Variants in CTNNA3 observed in about 807,000 individuals in gnomAD.
The protein encoded by CTNNA3 is catenin alpha-3.
Under a neutral mutation model 95.7 loss-of-function variants are expected in CTNNA3, and 76 were observed. That is an observed-to-expected ratio of 0.79 (90% CI 0.66 to 0.96). The LOEUF (loss-of-function observed/expected upper bound fraction) is 0.96. CTNNA3 is among the 40% of genes least tolerant of loss of function. CTNNA3 has a pLI of 0.00. For synonymous variants in CTNNA3, 431 were observed against 374.4 expected (o/e 1.15, Z -1.74); for missense variants, 1,191 against 1,089.8 (o/e 1.09, Z -1.31).
intron 5 of CTNNA3, among the ~76,000 whole-genome samples, chr10:67,318,920 T>C (rs1290511176): frequency 3.3e-5 from 5 of 152,200 alleles, no homozygotes; most frequent in Admixed American, 2.0e-4. Context: ...GCTTAAAAGG[T>C]TGGTCCTTGG....
intron 5 of CTNNA3, among the ~76,000 whole-genome samples, chr10:67,236,405 G>A (rs1168550592): frequency 7.4e-5 from 11 of 149,626 alleles, no homozygotes; most frequent in African/African-American, 1.5e-4. Context: ...GCAAACTATC[G>A]CAAGAAGAAA....
chr10:67,179,968 T>C (rs1178731466), intron 7 of CTNNA3, among the ~76,000 whole-genome samples: 1 of 152,202 alleles, frequency 6.6e-6, no homozygotes, highest in Non-Finnish European at 1.5e-5. Context: ...ACTAACTTGA[T>C]CCTGAGCAAT....
rs1840439407 is a variant in CTNNA3 at position 67,671,781 on chromosome 10, C to A, written c.-6+24219G>T. Among the ~76,000 whole-genome samples the A allele has an allele frequency of 4.0e-5, 6 of 151,732 alleles. No homozygotes were observed. In the South Asian group the frequency reaches 1.3e-3, roughly 32 times the overall value. ...TCGTTGTTGGACATTTGGGTTGGTT[C>A]CAAGTCTTTGCTATTGTTAATAGTG... is the stretch of plus-strand genomic sequence containing the variant. On this transcript the variant is annotated intron_variant, in intron 1 of 17. Coordinates refer to ENST00000433211, the MANE Select transcript of CTNNA3 (RefSeq NM_013266.4).
At position 65,918,808 on chromosome 10, in the gene CTNNA3, T is replaced by C. The variant is rs2077038196; in HGVS notation, c.*1522A>G. 1 of 152,214 alleles carries C rather than the reference T, an allele frequency of 6.6e-6. No homozygotes were observed. Among genetic ancestry groups the C allele is most frequent in the African/African-American group, 2.4e-5 (1 of 41,450 alleles). 9.4% of individuals were successfully genotyped at this position (152,214 alleles called of 1,614,324 possible). On this transcript the variant is annotated 3_prime_UTR_variant, in exon 18 of 18. Transcript: ENST00000433211. ...AGATCCTTCTTTTCCCATACCATTA[T>C]GCTTAAGATTCCACACATATCGTAC...
intron 13 of CTNNA3, among the ~76,000 whole-genome samples, chr10:66,203,816 T>C (rs2087586770): frequency 6.6e-6 from 1 of 152,158 alleles, no homozygotes; most frequent in African/African-American, 2.4e-5. Context: ...AGGTTTTGTA[T>C]TTTTATTTGC....
intron 5 of CTNNA3, among the ~76,000 whole-genome samples, chr10:67,302,002 C>T (rs2101049): frequency 8.9e-5 from 5 of 55,922 alleles, no homozygotes; most frequent in Non-Finnish European, 9.8e-5. Context: ...AACGAAAGAA[C>T]GAAAGAAAGA....
intron 11 of CTNNA3, among the ~76,000 whole-genome samples, chr10:66,456,830 A>G (rs926517612): frequency 6.6e-6 from 1 of 152,180 alleles, no homozygotes; most frequent in Non-Finnish European, 1.5e-5. Flanking sequence ...GTGGTGGCTC[A>G]TGTCTGTAAT....
chr10:66,470,161 T>C (rs1182651026), intron 11 of CTNNA3, among the ~76,000 whole-genome samples: 1 of 151,860 alleles, frequency 6.6e-6, no homozygotes, highest in Non-Finnish European at 1.5e-5. Context: ...ACAATTCCTC[T>C]ATTGGAACTG....
intron 9 of CTNNA3, among the ~76,000 whole-genome samples, chr10:66,717,884 C>T (rs1167796608): frequency 2.0e-5 from 3 of 152,318 alleles, no homozygotes; most frequent in African/African-American, 4.8e-5. Flanking sequence ...ATGGCTTCTA[C>T]CTCTGCCCTT....
intron 7 of CTNNA3, among the ~76,000 whole-genome samples, chr10:66,930,899 C>T (rs1054691634): frequency 6.6e-6 from 1 of 152,096 alleles, no homozygotes; most frequent in Non-Finnish European, 1.5e-5. Context: ...TCTTTCTCCT[C>T]ACTCTTTGAG....
At chr10:66,647,233 T>C (rs1206822262) in intron 9 of CTNNA3, among the ~76,000 whole-genome samples, 1 of 152,114 alleles carries the variant, frequency 6.6e-6, no homozygotes, top group Non-Finnish European at 1.5e-5. Flanking sequence ...AAAGTATATA[T>C]CATCTGTTCA....
chr10:66,475,669 T>C (rs1186437694), intron 11 of CTNNA3, among the ~76,000 whole-genome samples: 1 of 152,060 alleles, frequency 6.6e-6, no homozygotes, highest in Non-Finnish European at 1.5e-5. Context: ...TGAGATATCG[T>C]CTCACGCCAG....
intron 13 of CTNNA3, among the ~76,000 whole-genome samples, chr10:66,231,615 G>C (rs2089594105): frequency 6.6e-6 from 1 of 152,080 alleles, no homozygotes; most frequent in South Asian, 2.1e-4. Context: ...AGTGGTTTTA[G>C]TCAGCACATT....
intron 1 of CTNNA3, among the ~76,000 whole-genome samples, chr10:67,662,592 A>G (rs1432797908): frequency 1.3e-5 from 2 of 152,366 alleles, no homozygotes; most frequent in East Asian, 1.9e-4. Context: ...CTGAGTGAGA[A>G]TCAGACATAA....
At chr10:66,478,214 T>C (rs1403905060) in intron 11 of CTNNA3, among the ~76,000 whole-genome samples, 1 of 152,078 alleles carries the variant, frequency 6.6e-6, no homozygotes, top group Non-Finnish European at 1.5e-5. Flanking sequence ...CTAAGAATGA[T>C]CTTACAGTAT....
At chr10:66,750,293 C>G (rs1041254869) in intron 9 of CTNNA3, among the ~76,000 whole-genome samples, 7 of 152,106 alleles carry the variant, frequency 4.6e-5, no homozygotes, top group African/African-American at 1.7e-4. Flanking sequence ...TGTTGCCATT[C>G]TCAAAATCAT....
At chr10:66,120,878 C>T (rs898923915) in intron 13 of CTNNA3, among the ~76,000 whole-genome samples, 1 of 152,136 alleles carries the variant, frequency 6.6e-6, no homozygotes. Flanking sequence ...TGAAATGACA[C>T]AAGAAGTGAC....
chr10:66,926,103 T>C (rs1345581260), intron 7 of CTNNA3: 1 of 458,352 alleles, frequency 2.2e-6, no homozygotes. Flanking sequence ...GGTACGGGGC[T>C]CTCCTGCCTT....
At chr10:67,133,328 T>TATATATATATATATATATAC (rs145659453) in intron 7 of CTNNA3, among the ~76,000 whole-genome samples, 6 of 105,348 alleles carry the variant, frequency 5.7e-5, no homozygotes, top group African/African-American at 1.1e-4. Context: ...TATATATTTA[T>TATATATATATATATATATAC]ACACACACAC....
Sources: gnomAD v4.1 joint callset for allele counts (sites outside exome capture counted in the v4.1 genomes callset) on GRCh38, gnomAD v4.1.1 for gene constraint, MANE v1.5 for transcripts, NCBI Gene and HGNC (gene_info 2026-07-23, HGNC 2026-07-21) for gene names.